SUMF1: variants seen among roughly 807,000 people sequenced by gnomAD.
SUMF1 encodes the protein sulfatase modifying factor 1.
A neutral mutation model predicts 47.6 loss-of-function variants in SUMF1; 48 were observed. The ratio of observed to expected loss-of-function variants is 1.01; its 90% CI spans 0.80 to 1.28. The LOEUF is 1.28. Among genes scored for constraint, SUMF1 ranks in the 50% most tolerant of loss-of-function variants. The probability of loss-of-function intolerance (pLI) is 0.00; values close to 1 mark genes in which losing one functional copy is unlikely to be tolerated. For missense variants in SUMF1, 571 were observed against 485.4 expected, an observed-to-expected ratio of 1.18 and a Z score of -1.66; for synonymous variants, 230 against 192.1, an observed-to-expected ratio of 1.20 and a Z score of -1.63.
intron 8 of SUMF1, among the ~76,000 whole-genome samples, chr3:4,171,422 T>C (rs1260109741): frequency 6.6e-6 from 1 of 152,208 alleles, no homozygotes; most frequent in Non-Finnish European, 1.5e-5. Flanking sequence ...TTGAGTTTCA[T>C]AGATGTGTTT....
intron 5 of SUMF1, 24 bp from the exon 6 acceptor site, chr3:4,417,266 A>C: frequency 6.3e-7 from 1 of 1,595,828 alleles, no homozygotes; most frequent in Non-Finnish European, 8.6e-7. Flanking sequence ...CACAGGCATC[A>C]GCCTGTCAAA....
At chr3:4,442,355 A>C (rs1470686902) in intron 3 of SUMF1, among the ~76,000 whole-genome samples, 20 of 136,936 alleles carry the variant, frequency 1.5e-4, no homozygotes, top group South Asian at 4.6e-4. Context: ...TCCCGGGTTC[A>C]CGCCATTCTC....
intron 8 of SUMF1, chr3:4,068,787 C>T: frequency 3.5e-6 from 1 of 285,960 alleles, no homozygotes; most frequent in South Asian, 3.1e-5. Context: ...ATAATAATAA[C>T]ATGAATAGGT....
At chr3:4,149,024 A>C (rs1694257476) in intron 8 of SUMF1, among the ~76,000 whole-genome samples, 1 of 152,088 alleles carries the variant, frequency 6.6e-6, no homozygotes, top group Non-Finnish European at 1.5e-5. Context: ...AGAGACCTGA[A>C]GTTAGAGGAG....
In SUMF1 at chr3:4,229,751, T is replaced by C. The variant is rs1183589082; in HGVS notation, c.1014+146579A>G. ...CTTCAGAGCCAGGCACAGTGGCTCA[T>C]GTCTCTAATCCCAGCACTTTGGGTA... On this transcript the variant is annotated intron_variant and NMD_transcript_variant, in intron 8 of 12. Coordinates refer to the SUMF1 transcript ENST00000448413. Among the ~76,000 whole-genome samples the C allele has an allele frequency of 1.3e-5, 2 of 152,104 alleles. 1 individual carries two copies. Among genetic ancestry groups the C allele is most frequent in the Non-Finnish European group, 2.9e-5 (2 of 68,004 alleles).
At chr3:4,125,615 G>C (rs979167545) in intron 8 of SUMF1, among the ~76,000 whole-genome samples, 2 of 152,156 alleles carry the variant, frequency 1.3e-5, no homozygotes, top group African/African-American at 4.8e-5. Context: ...TGTTGTAACA[G>C]ACATCTGTAA....
intron 1 of SUMF1, among the ~76,000 whole-genome samples, chr3:4,463,265 G>A (rs1282061368): frequency 6.6e-6 from 1 of 152,246 alleles, no homozygotes; most frequent in Non-Finnish European, 1.5e-5. Flanking sequence ...GCAGAGGCAG[G>A]TGGATCACGA....
chr3:4,351,572 G>A (rs1699502661), intron 8 of SUMF1, among the ~76,000 whole-genome samples: 1 of 152,108 alleles, frequency 6.6e-6, no homozygotes, highest in Non-Finnish European at 1.5e-5. Flanking sequence ...TGCACCTTTT[G>A]ATCATGTTTT....
intron 8 of SUMF1, among the ~76,000 whole-genome samples, chr3:4,243,917 C>T (rs1464592930): frequency 3.3e-5 from 5 of 152,032 alleles, no homozygotes; most frequent in Non-Finnish European, 5.9e-5. Flanking sequence ...GTCTCTAAGA[C>T]CTTGCTTTAT....
chr3:4,352,727 C>T (rs1461019285), intron 8 of SUMF1, among the ~76,000 whole-genome samples: 1 of 107,076 alleles, frequency 9.3e-6, no homozygotes. Flanking sequence ...ATTATTGCTG[C>T]GTGTAAAAAA....
chr3:4,304,506 A>C (rs2125071527), intron 8 of SUMF1, among the ~76,000 whole-genome samples: 1 of 152,360 alleles, frequency 6.6e-6, no homozygotes, highest in South Asian at 2.1e-4. Flanking sequence ...GAATGACCAA[A>C]GATTTTGAAG....
chr3:4,307,933 C>T (rs1698254576), intron 8 of SUMF1, among the ~76,000 whole-genome samples: 1 of 152,014 alleles, frequency 6.6e-6, no homozygotes, highest in East Asian at 1.9e-4. Flanking sequence ...CCTGTAGTCC[C>T]ACCTACTTGG....
At chr3:4,455,589 C>CAACACCACTTGGGA (rs1703133590) in intron 1 of SUMF1, among the ~76,000 whole-genome samples, 3 of 152,072 alleles carry the variant, frequency 2.0e-5, no homozygotes, top group Non-Finnish European at 2.9e-5. Flanking sequence ...TTGTGGCACA[C>CAACACCACTTGGGA]GCCTGTAATC....
At chr3:4,206,518 G>C (rs1695656246) in intron 8 of SUMF1, among the ~76,000 whole-genome samples, 1 of 152,132 alleles carries the variant, frequency 6.6e-6, no homozygotes, top group Admixed American at 6.5e-5. Context: ...AACAGTCACT[G>C]TGTTCTCCCT....
At chr3:4,424,501 C>T (rs970213866) in intron 3 of SUMF1, among the ~76,000 whole-genome samples, 14 of 152,118 alleles carry the variant, frequency 9.2e-5, no homozygotes, top group African/African-American at 2.7e-4. Flanking sequence ...GACCAAAGGC[C>T]GCAACCTAGT....
intron 8 of SUMF1, among the ~76,000 whole-genome samples, chr3:4,104,267 C>T (rs536004395): frequency 2.0e-5 from 3 of 152,196 alleles, no homozygotes; most frequent in African/African-American, 7.2e-5. Flanking sequence ...CTCTCGTCTG[C>T]CACCATGTAA....
chr3:4,337,266 C>T (rs1047698725), intron 8 of SUMF1, among the ~76,000 whole-genome samples: 12 of 128,218 alleles, frequency 9.4e-5, no homozygotes, highest in Non-Finnish European at 1.7e-4. Flanking sequence ...TCCCTCACTC[C>T]CCCTCCTTTT....
chr3:4,293,516 C>G (rs1384614440), intron 8 of SUMF1, among the ~76,000 whole-genome samples: 2 of 152,106 alleles, frequency 1.3e-5, no homozygotes, highest in Non-Finnish European at 2.9e-5. Context: ...TGGTTATTTC[C>G]TCGGCATTTT....
chr3:4,289,738 G>A (rs1697704109), intron 8 of SUMF1, among the ~76,000 whole-genome samples: 1 of 151,674 alleles, frequency 6.6e-6, no homozygotes, highest in South Asian at 2.1e-4. Flanking sequence ...CTGGTTGTAG[G>A]GTTTCTAGCT....
Sources: allele counts gnomAD v4.1 joint callset (sites outside exome capture counted in the v4.1 genomes callset), GRCh38; gene constraint gnomAD v4.1.1; transcripts MANE v1.5; gene names NCBI Gene and HGNC (gene_info 2026-07-23, HGNC 2026-07-21).